The following GAS2 variants were observed in gnomAD, a reference collection of about 807,000 sequenced individuals.
The protein encoded by GAS2 is growth arrest-specific protein 2.
Under a neutral mutation model 37.5 loss-of-function variants are expected in GAS2, and 20 were observed. The observed-to-expected ratio is 0.53, with a 90% CI of 0.37 to 0.77. The LOEUF is 0.77. GAS2 is among the 30% of genes least tolerant of loss of function. The pLI is 0.00. For missense variants in GAS2, 336 were observed against 373.4 expected, an observed-to-expected ratio of 0.90 and a Z score of 0.82; for synonymous variants, 144 against 132.2, an observed-to-expected ratio of 1.09 and a Z score of -0.61.
In GAS2 at chr11:22,716,755, C is replaced by A. The variant is rs111642368; in HGVS notation, c.268-9537C>A. Among the ~76,000 whole-genome samples the A allele has an allele frequency of 7.5e-3, 1,138 of 151,996 alleles. 6 individuals carry two copies. Among genetic ancestry groups the A allele is most frequent in the Middle Eastern group, 0.021 (6 of 288 alleles). ...TGATATACCTAGAAAACCCTAAAGACTCCTTAAAAAACTCCTAGATCTGAT... is the reference window on the plus strand; with the variant it reads ...TGATATACCTAGAAAACCCTAAAGAATCCTTAAAAAACTCCTAGATCTGAT... On this transcript the variant is annotated intron_variant, in intron 3 of 7. Coordinates refer to ENST00000454584, the MANE Select transcript of GAS2 (RefSeq NM_001143830.3).
chr11:22,754,363 A>T (rs1853904687), intron 6 of GAS2, among the ~76,000 whole-genome samples: 1 of 152,094 alleles, frequency 6.6e-6, no homozygotes, highest in African/African-American at 2.4e-5. Context: ...GCAAGAAGAC[A>T]TTAAGGTTAA....
At chr11:22,708,109 G>A (rs1851213446) in intron 3 of GAS2, among the ~76,000 whole-genome samples, 1 of 151,916 alleles carries the variant, frequency 6.6e-6, no homozygotes, top group South Asian at 2.1e-4. Flanking sequence ...CAAAAAGAAG[G>A]GATGAAGGAA....
intron 1 of GAS2, among the ~76,000 whole-genome samples, chr11:22,654,047 T>C (rs1280573334): frequency 6.6e-6 from 1 of 152,214 alleles, no homozygotes; most frequent in Non-Finnish European, 1.5e-5. Flanking sequence ...TTCTTGAATG[T>C]TCAGGTTTTC....
chr11:22,691,075 A>G (rs79953406), intron 3 of GAS2, among the ~76,000 whole-genome samples: 2,225 of 151,530 alleles, frequency 0.015, 52 homozygotes, highest in African/African-American at 0.052. Flanking sequence ...GACTTCAAAG[A>G]GCCCTGGGTG....
intron 1 of GAS2, among the ~76,000 whole-genome samples, chr11:22,645,295 G>A (rs1052470839): frequency 1.3e-5 from 2 of 152,064 alleles, no homozygotes; most frequent in Non-Finnish European, 2.9e-5. Context: ...AGATCACGAG[G>A]TAAGGAGATT....
intron 7 of GAS2, among the ~76,000 whole-genome samples, chr11:22,796,799 A>G (rs1296849707): frequency 6.6e-6 from 1 of 152,024 alleles, no homozygotes. Context: ...GGATTTTGGT[A>G]TTAGTGTTTA....
chr11:22,716,028 A>G (rs1851662869), intron 3 of GAS2, among the ~76,000 whole-genome samples: 1 of 152,204 alleles, frequency 6.6e-6, no homozygotes, highest in African/African-American at 2.4e-5. Context: ...CTAGGGATGC[A>G]GGGGTGGTTT....
At chr11:22,717,320 T>A (rs1851729983) in intron 3 of GAS2, among the ~76,000 whole-genome samples, 1 of 152,012 alleles carries the variant, frequency 6.6e-6, no homozygotes, top group Non-Finnish European at 1.5e-5. Context: ...TGGAACAAAA[T>A]ATATAACCCA....
chr11:22,695,785 A>G (rs991617636), intron 3 of GAS2, among the ~76,000 whole-genome samples: 2 of 152,190 alleles, frequency 1.3e-5, no homozygotes, highest in Non-Finnish European at 1.5e-5. Context: ...TAAAGAAAAA[A>G]TTTCAAAATT....
intron 7 of GAS2, among the ~76,000 whole-genome samples, chr11:22,785,236 C>G (rs377573824): frequency 6.6e-6 from 1 of 152,080 alleles, no homozygotes; most frequent in Non-Finnish European, 1.5e-5. Flanking sequence ...CTTTATAGTC[C>G]GCATGGAAAA....
intron 5 of GAS2, among the ~76,000 whole-genome samples, chr11:22,742,088 A>C (rs1221515923): frequency 6.6e-6 from 1 of 152,152 alleles, no homozygotes; most frequent in African/African-American, 2.4e-5. Flanking sequence ...TCATAAAGTC[A>C]TTAACCATAA....
At chr11:22,793,840 A>C (rs1856297017) in intron 7 of GAS2, among the ~76,000 whole-genome samples, 1 of 152,172 alleles carries the variant, frequency 6.6e-6, no homozygotes, top group Non-Finnish European at 1.5e-5. Context: ...GATAAAGTGA[A>C]ATGGTACAAG....
intron 3 of GAS2, among the ~76,000 whole-genome samples, chr11:22,696,157 T>C (rs1850503309): frequency 6.8e-6 from 1 of 146,354 alleles, no homozygotes; most frequent in Admixed American, 6.9e-5. Context: ...GTGTTCTCAT[T>C]GTTCAGTTCC....
At chr11:22,759,481 G>A (rs1854249199) in intron 7 of GAS2, among the ~76,000 whole-genome samples, 1 of 152,028 alleles carries the variant, frequency 6.6e-6, no homozygotes. Context: ...AATTTTTTTT[G>A]TTTCTAGCTT....
At chr11:22,751,933 A>T (rs188182233) in intron 6 of GAS2, among the ~76,000 whole-genome samples, 2 of 152,152 alleles carry the variant, frequency 1.3e-5, no homozygotes, top group Admixed American at 1.3e-4. Context: ...AATGGAATGG[A>T]TTTCTCAGGA....
chr11:22,646,407 T>C (rs994892710), intron 1 of GAS2, among the ~76,000 whole-genome samples: 1 of 152,244 alleles, frequency 6.6e-6, no homozygotes, highest in African/African-American at 2.4e-5. Context: ...TCCCTTTTTA[T>C]GCTCTACAAT....
At chr11:22,659,843 G>A (rs1848896127) in intron 1 of GAS2, among the ~76,000 whole-genome samples, 2 of 145,456 alleles carry the variant, frequency 1.4e-5, no homozygotes, top group African/African-American at 2.5e-5. Context: ...AAGAAAGGAA[G>A]GAAAAGAGAG....
At chr11:22,631,381 G>C (rs754880209) in intron 1 of GAS2, among the ~76,000 whole-genome samples, 3 of 152,100 alleles carry the variant, frequency 2.0e-5, no homozygotes, top group Non-Finnish European at 4.4e-5. Context: ...GTGTTGAATA[G>C]AAGTGATGAA....
intron 1 of GAS2, among the ~76,000 whole-genome samples, chr11:22,655,448 A>T (rs1298846767): frequency 2.0e-5 from 3 of 151,816 alleles, no homozygotes; most frequent in Admixed American, 6.6e-5. Flanking sequence ...AAAACAGTAT[A>T]AAAAAAAGGA....
Sources: allele counts gnomAD v4.1 joint callset (sites outside exome capture counted in the v4.1 genomes callset), GRCh38; gene constraint gnomAD v4.1.1; transcripts MANE v1.5; gene names NCBI Gene and HGNC (gene_info 2026-07-23, HGNC 2026-07-21).